SGTB: variants seen among roughly 807,000 people sequenced by gnomAD.
SGTB encodes the protein small glutamine rich tetratricopeptide repeat co-chaperone beta, also known as small glutamine-rich tetratricopeptide repeat-containing protein beta.
A neutral mutation model predicts 43.9 loss-of-function variants in SGTB; 19 were observed. The ratio of observed to expected loss-of-function variants is 0.43; its 90% CI spans 0.30 to 0.63. SGTB has a LOEUF of 0.63. SGTB is among the 30% of genes least tolerant of loss of function. SGTB has a pLI of 0.12. For missense variants in SGTB, 304 were observed against 358.9 expected, an observed-to-expected ratio of 0.85 and a Z score of 1.24; for synonymous variants, 116 against 117.3, an observed-to-expected ratio of 0.99 and a Z score of 0.07.
chr5:65,704,407 A>AT, intron 4 of SGTB, 29 bp from the exon 5 acceptor site: 1 of 1,507,862 alleles, frequency 6.6e-7, no homozygotes, highest in Non-Finnish European at 9.2e-7. Context: ...TATGTACAGT[A>AT]AGTATAATAT....
chr5:65,717,782 C>G lies in SGTB; in HGVS notation c.100+2926G>C, dbSNP rs543734719. 7.9e-5 allele frequency among the ~76,000 whole-genome samples: 12 copies of G among 152,260 alleles called. No individual in the cohort carries two copies. The South Asian group carries it at 2.5e-3, about 32-fold the overall frequency. ...GCATTAAAGGTCTACTTGAAGTTCA[C>G]AGTCATGAATTTAAAGTGGGACTAG... is the stretch of plus-strand genomic sequence containing the variant. On this transcript the variant is annotated intron_variant, in intron 2 of 10. Transcript: ENST00000381007.
intron 3 of SGTB, among the ~76,000 whole-genome samples, chr5:65,711,945 A>G (rs1296523217): frequency 6.6e-6 from 1 of 152,188 alleles, no homozygotes; most frequent in Non-Finnish European, 1.5e-5. Flanking sequence ...GAGGCACCAC[A>G]ATGTCATAAA....
chr5:65,681,614 G>C (rs545400735), intron 6 of SGTB, among the ~76,000 whole-genome samples: 1 of 152,158 alleles, frequency 6.6e-6, no homozygotes, highest in East Asian at 1.9e-4. Context: ...CAAGAGTCAA[G>C]TCAGTAACTA....
chr5:65,706,958 G>A (rs1357836662), intron 4 of SGTB, among the ~76,000 whole-genome samples: 1 of 151,818 alleles, frequency 6.6e-6, no homozygotes, highest in Admixed American at 6.6e-5. Context: ...ACACTACACA[G>A]CCATTAAAAA....
In SGTB at chr5:65,694,947, G is replaced by A. The variant is rs1757690432; in HGVS notation, c.374+9332C>T. Among the ~76,000 whole-genome samples, 3 of 152,154 alleles carry A rather than the reference G, an allele frequency of 2.0e-5. 1 individual carries two copies. Among genetic ancestry groups the A allele is most frequent in the South Asian group, 4.1e-4 (2 of 4,832 alleles). On this transcript the variant is annotated intron_variant, in intron 5 of 10. Transcript: ENST00000381007. Reference sequence around the variant, plus strand: ...GGAAAAGTGAAGATAATGAAGTTAAGAGAAAAGAAAGAGCCTAGATTAGAA... The same window carrying A: ...GGAAAAGTGAAGATAATGAAGTTAAAAGAAAAGAAAGAGCCTAGATTAGAA...
intron 5 of SGTB, among the ~76,000 whole-genome samples, chr5:65,697,660 T>C (rs895940176): frequency 9.9e-5 from 15 of 152,188 alleles, no homozygotes; most frequent in Admixed American, 3.3e-4. Context: ...GGGAGCTACA[T>C]TGATGATTAA....
Position 65,708,472 on chromosome 5 carries a change from T to C in SGTB, c.274+17A>G. ...GAAAGCTTTACTAAGTAAGTCATTT[T>C]TGTATGAAATATTCACCTTCATCTT... is the stretch of plus-strand genomic sequence containing the variant. On this transcript the variant is annotated intron_variant, in intron 4 of 10. Transcript: ENST00000381007. The C allele has an allele frequency of 6.2e-7, 1 of 1,608,094 alleles. No individual in the cohort carries two copies. Among genetic ancestry groups the C allele is most frequent in the Non-Finnish European group, 8.5e-7 (1 of 1,177,330 alleles).
intron 4 of SGTB, among the ~76,000 whole-genome samples, chr5:65,705,806 T>A (rs1400355259): frequency 6.7e-6 from 1 of 149,988 alleles, no homozygotes; most frequent in Non-Finnish European, 1.5e-5. Flanking sequence ...GGCAGGAGTA[T>A]GGCTTGAGCC....
intron 2 of SGTB, among the ~76,000 whole-genome samples, chr5:65,714,916 G>A (rs1431345902): frequency 6.6e-6 from 1 of 152,186 alleles, no homozygotes; most frequent in Non-Finnish European, 1.5e-5. Flanking sequence ...AACCATTAAA[G>A]AATTTAGTGA....
At chr5:65,680,906 A>T in intron 6 of SGTB, 112 bp from the exon 7 acceptor site, 4 of 1,186,768 alleles carry the variant, frequency 3.4e-6, no homozygotes, top group Non-Finnish European at 4.6e-6. Flanking sequence ...TCCAGATTAC[A>T]CTTAATTTAT....
At chr5:65,715,127 G>A (rs972187406) in intron 2 of SGTB, among the ~76,000 whole-genome samples, 3 of 152,058 alleles carry the variant, frequency 2.0e-5, no homozygotes, top group Non-Finnish European at 2.9e-5. Context: ...TAAATAACCT[G>A]GGTACAATAA....
At chr5:65,680,145 G>A (rs1488001461) in intron 8 of SGTB, among the ~76,000 whole-genome samples, 1 of 152,154 alleles carries the variant, frequency 6.6e-6, no homozygotes, top group Non-Finnish European at 1.5e-5. Context: ...CACATGTAGG[G>A]GAACAACACA....
At chr5:65,717,143 G>C (rs1365138795) in intron 2 of SGTB, among the ~76,000 whole-genome samples, 4 of 152,120 alleles carry the variant, frequency 2.6e-5, no homozygotes, top group African/African-American at 9.7e-5. Context: ...AAACAACACA[G>C]AAATCACTAA....
intron 8 of SGTB, among the ~76,000 whole-genome samples, chr5:65,675,744 G>T (rs1054753531): frequency 6.6e-6 from 1 of 152,108 alleles, no homozygotes; most frequent in African/African-American, 2.4e-5. Flanking sequence ...GTCAAACTAA[G>T]CTTCATAAGC....
At chr5:65,700,170 T>C (rs1008768632) in intron 5 of SGTB, among the ~76,000 whole-genome samples, 2 of 152,224 alleles carry the variant, frequency 1.3e-5, no homozygotes, top group Non-Finnish European at 2.9e-5. Context: ...ACTGTTGGTC[T>C]AGTTAGACTA....
Position 65,667,018 on chromosome 5 carries a change from A to G in SGTB, c.*3228T>C, listed in dbSNP as rs1757051795. 1 of 152,200 alleles carries G rather than the reference A, an allele frequency of 6.6e-6. No individual in the cohort carries two copies. The highest frequency in any genetic ancestry group is 1.5e-5 in the Non-Finnish European group (1 of 68,018). 9.4% of individuals were successfully genotyped at this position (152,200 alleles called of 1,614,324 possible). A position where few individuals can be genotyped will look rare whatever the true frequency, so the allele number is the denominator to read the frequency against. On this transcript the variant is annotated 3_prime_UTR_variant, in exon 11 of 11. Coordinates refer to ENST00000381007, the MANE Select transcript of SGTB (RefSeq NM_019072.3). ...CTCCCTTAAGTGTTTGGTAAAATTC[A>G]TCACGGAAGTTATCTGGGCCTGTAG...
chr5:65,717,944 A>G (rs900766667), intron 2 of SGTB, among the ~76,000 whole-genome samples: 2 of 152,094 alleles, frequency 1.3e-5, no homozygotes, highest in African/African-American at 2.4e-5. Context: ...ACAAGGGAAT[A>G]ATTATAATTA....
chr5:65,690,306 G>T (rs111510685), intron 5 of SGTB, among the ~76,000 whole-genome samples: 1,794 of 152,142 alleles, frequency 0.012, 39 homozygotes, highest in African/African-American at 0.041. Context: ...AGGTGTAGTG[G>T]TGTACGCCTG....
chr5:65,706,598 G>A (rs1024826710), intron 4 of SGTB, among the ~76,000 whole-genome samples: 27 of 152,304 alleles, frequency 1.8e-4, no homozygotes, highest in African/African-American at 5.5e-4. Context: ...TTGGGAGGCC[G>A]AGGTGGGTGG....
Sources: gnomAD v4.1 joint callset for allele counts (sites outside exome capture counted in the v4.1 genomes callset) on GRCh38, gnomAD v4.1.1 for gene constraint, MANE v1.5 for transcripts, NCBI Gene and HGNC (gene_info 2026-07-23, HGNC 2026-07-21) for gene names.